The following ATL2 variants were observed in gnomAD, a reference collection of about 807,000 sequenced individuals.
ATL2 encodes the protein atlastin-2.
A neutral mutation model predicts 73.9 loss-of-function variants in ATL2; 31 were observed. The observed-to-expected ratio is 0.42, with a 90% CI of 0.32 to 0.57. ATL2 has a LOEUF of 0.57. Among genes scored for constraint, ATL2 ranks in the 20% least tolerant of loss-of-function variants. The pLI is 0.14. For missense variants in ATL2, 738 were observed against 702.6 expected (o/e 1.05, Z -0.57); for synonymous variants, 291 against 237.5 (o/e 1.23, Z -2.07).
chr2:38,342,209 G>A (rs773833429), intron 2 of ATL2, among the ~76,000 whole-genome samples: 1 of 151,832 alleles, frequency 6.6e-6, no homozygotes, highest in African/African-American at 2.4e-5. Context: ...AAAATGTATA[G>A]AAGGGAAAGA....
At chr2:38,339,823 TG>T (rs1204773530) in intron 2 of ATL2, among the ~76,000 whole-genome samples, 1 of 152,102 alleles carries the variant, frequency 6.6e-6, no homozygotes. Context: ...CCCAAGTAAC[TG>T]GGATTACAGG....
At chr2:38,366,779 CA>C (rs1671354868) in intron 1 of ATL2, among the ~76,000 whole-genome samples, 1 of 152,178 alleles carries the variant, frequency 6.6e-6, no homozygotes, top group Non-Finnish European at 1.5e-5. Flanking sequence ...ATAAGCAGCT[CA>C]AAAGCCCTTT....
At chr2:38,313,305 C>G in intron 6 of ATL2, 62 bp from the exon 7 acceptor site, 2 of 1,185,586 alleles carry the variant, frequency 1.7e-6, no homozygotes, top group South Asian at 1.4e-5. Flanking sequence ...GAAAAAATCA[C>G]AACTCTTAAC....
At chr2:38,307,190 T>G (rs1288404026) in intron 9 of ATL2, among the ~76,000 whole-genome samples, 6 of 151,828 alleles carry the variant, frequency 4.0e-5, no homozygotes, top group Non-Finnish European at 4.4e-5. Flanking sequence ...AAACCCTGTC[T>G]CTACTAAAAA....
intron 1 of ATL2, among the ~76,000 whole-genome samples, chr2:38,353,272 C>A (rs1670464228): frequency 6.6e-6 from 1 of 151,792 alleles, no homozygotes; most frequent in Admixed American, 6.6e-5. Flanking sequence ...TATTAAAAAA[C>A]AAATGAAAAT....
intron 9 of ATL2, chr2:38,300,556 T>C (rs1667133049): frequency 2.7e-6 from 1 of 368,154 alleles, no homozygotes; most frequent in African/African-American, 2.1e-5. Context: ...ACATAAAAGT[T>C]ATAACTCAAA....
chr2:38,348,865 T>C (rs1670176977), intron 1 of ATL2, among the ~76,000 whole-genome samples: 1 of 152,046 alleles, frequency 6.6e-6, no homozygotes, highest in African/African-American at 2.4e-5. Context: ...GGGCAAAGGA[T>C]ATGAACAGAC....
chr2:38,345,803 A>C (rs1353577344), intron 1 of ATL2, among the ~76,000 whole-genome samples: 1 of 152,188 alleles, frequency 6.6e-6, no homozygotes, highest in Non-Finnish European at 1.5e-5. Context: ...TAGGGAGCAA[A>C]CTGCCTCGAT....
rs779910952 is a variant in ATL2, at chr2:38,372,398, G to A, written c.118+4745C>T. Among the ~76,000 whole-genome samples, 12 of 152,084 alleles carry A rather than the reference G, an allele frequency of 7.9e-5. 1 individual carries two copies. Among genetic ancestry groups the A allele is most frequent in the East Asian group, 3.9e-4 (2 of 5,184 alleles). On this transcript the variant is annotated intron_variant, in intron 1 of 12. Transcript: ENST00000378954. ...TTATAGTGTAGAGATTCAAGTGTAC[G>A]GGAGGATGCACATAGGTTATATGCA...
chr2:38,301,859 G>C (rs994744458), intron 9 of ATL2, among the ~76,000 whole-genome samples: 3 of 152,178 alleles, frequency 2.0e-5, no homozygotes, highest in Admixed American at 6.5e-5. Flanking sequence ...GGGCAGCCAA[G>C]GGACTGCTAG....
rs372938813 is a variant in ATL2 at position 38,296,891 on chromosome 2, G to C, written c.1633-778C>G. On this transcript the variant is annotated intron_variant, in intron 12 of 12. Coordinates refer to ENST00000378954, the MANE Select transcript of ATL2 (RefSeq NM_001135673.4). ...CTAGAATCAATGCTGTTTAAGAGAT[G>C]AATATTTCTCAAAAGAAGATATTGT... Among the ~76,000 whole-genome samples, 31 of 152,126 alleles carry C rather than the reference G, an allele frequency of 2.0e-4. 1 individual carries two copies. The East Asian group carries it at 3.3e-3, about 16-fold the overall frequency.
intron 1 of ATL2, among the ~76,000 whole-genome samples, chr2:38,352,601 C>G (rs1223780406): frequency 6.6e-6 from 1 of 152,200 alleles, no homozygotes; most frequent in Non-Finnish European, 1.5e-5. Context: ...TGCAGGGGAA[C>G]ACAACACTAT....
intron 10 of ATL2, 112 bp downstream of exon 10, chr2:38,300,160 T>A: frequency 1.1e-6 from 1 of 923,890 alleles, no homozygotes; most frequent in Non-Finnish European, 1.7e-6. Flanking sequence ...CAAAATGTGT[T>A]TGCATGCAAA....
In ATL2 at chr2:38,377,155, T is replaced by C; in HGVS notation, c.106A>G (p.Thr36Ala). 1 of 1,610,590 alleles carries C rather than the reference T, an allele frequency of 6.2e-7. No individual in the cohort carries two copies. Among genetic ancestry groups the C allele is most frequent in the Non-Finnish European group, 8.5e-7 (1 of 1,179,376 alleles). Residue 36 changes from threonine to alanine, a missense_variant, in exon 1 of 13, where the codon ACG becomes GCG. By Grantham distance (58) the Thr-to-Ala change is moderately conservative (BLOSUM62 0). Transcript: ENST00000378954. ...PSAAVNHVSS[T>A]TSLGENYEDD... ...CGCTGGCCCGTACCTAGGGAGGTCG[T>C]GGACGAGACGTGGTTAACCGCGGCG...
chr2:38,334,413 T>C (rs1433013173), intron 2 of ATL2, among the ~76,000 whole-genome samples: 2 of 151,194 alleles, frequency 1.3e-5, no homozygotes, highest in East Asian at 2.0e-4. Context: ...CTTAAAAATC[T>C]GGTCAAGGCC....
chr2:38,317,563 G>A (rs1236137061), intron 4 of ATL2, among the ~76,000 whole-genome samples: 1 of 152,134 alleles, frequency 6.6e-6, no homozygotes, highest in East Asian at 1.9e-4. Flanking sequence ...TATTACATAA[G>A]CCTTGTCTGG....
At chr2:38,359,853 C>T (rs895449525) in intron 1 of ATL2, among the ~76,000 whole-genome samples, 4 of 151,838 alleles carry the variant, frequency 2.6e-5, no homozygotes, top group South Asian at 2.1e-4. Flanking sequence ...GTTGGCCGGG[C>T]GCGGTGGCTC....
intron 12 of ATL2, chr2:38,296,573 A>C (rs771547878): frequency 1.9e-6 from 3 of 1,614,050 alleles, no homozygotes; most frequent in Non-Finnish European, 2.5e-6. Flanking sequence ...TAGTAACTTC[A>C]AACAGTTTGG....
At chr2:38,306,607 A>G (rs938567131) in intron 9 of ATL2, among the ~76,000 whole-genome samples, 3 of 152,220 alleles carry the variant, frequency 2.0e-5, no homozygotes, top group Non-Finnish European at 4.4e-5. Context: ...CAGTCAGTCA[A>G]TGAGTGTGAT....
Sources: gnomAD v4.1 joint callset for allele counts (sites outside exome capture counted in the v4.1 genomes callset) on GRCh38, gnomAD v4.1.1 for gene constraint, MANE v1.5 for transcripts, NCBI Gene and HGNC (gene_info 2026-07-23, HGNC 2026-07-21) for gene names.